PALM2AKAP2: variants seen among roughly 807,000 people sequenced by gnomAD.
The protein encoded by PALM2AKAP2 is PALM2 and AKAP2 fusion.
A neutral mutation model predicts 71.5 loss-of-function variants in PALM2AKAP2; 37 were observed. That is an observed-to-expected ratio of 0.52 (90% CI 0.40 to 0.68). The LOEUF (loss-of-function observed/expected upper bound fraction) is 0.68. PALM2AKAP2 is among the 30% of genes least tolerant of loss of function. The pLI, the probability that PALM2AKAP2 is intolerant of heterozygous loss-of-function variation, is 0.00. For missense variants in PALM2AKAP2, 1,224 were observed against 1,191.8 expected (o/e 1.03, Z -0.40); for synonymous variants, 468 against 478.8 (o/e 0.98, Z 0.29).
At chr9:110,131,678 C>T (rs1168933683) in intron 1 of PALM2AKAP2, among the ~76,000 whole-genome samples, 1 of 152,174 alleles carries the variant, frequency 6.6e-6, no homozygotes, top group African/African-American at 2.4e-5. Context: ...TTACTGCTGA[C>T]AGTGGAACTC....
At chr9:110,024,309 T>C (rs760217272) in intron 7 of PALM2AKAP2, among the ~76,000 whole-genome samples, 1 of 152,182 alleles carries the variant, frequency 6.6e-6, no homozygotes, top group Non-Finnish European at 1.5e-5. Context: ...AACCACTCAT[T>C]CCTTTCTGTT....
chr9:109,656,579 A>G (rs1359730107), intron 1 of PALM2AKAP2, among the ~76,000 whole-genome samples: 2 of 152,176 alleles, frequency 1.3e-5, no homozygotes, highest in Non-Finnish European at 2.9e-5. Flanking sequence ...ATGAAAGGAA[A>G]CTATTGGGGG....
chr9:109,811,298 G>A (rs902689888), intron 1 of PALM2AKAP2, among the ~76,000 whole-genome samples: 13 of 152,178 alleles, frequency 8.5e-5, no homozygotes, highest in African/African-American at 3.1e-4. Flanking sequence ...GGGAATTGAG[G>A]GTGTGGACTG....
intron 3 of PALM2AKAP2, among the ~76,000 whole-genome samples, chr9:109,888,108 G>T (rs147445398): frequency 6.6e-6 from 1 of 152,286 alleles, no homozygotes; most frequent in African/African-American, 2.4e-5. Flanking sequence ...GAAGCCCTTT[G>T]TTCCTGATTG....
At chr9:109,769,812 C>T (rs903011254) in intron 1 of PALM2AKAP2, among the ~76,000 whole-genome samples, 5 of 151,868 alleles carry the variant, frequency 3.3e-5, no homozygotes, top group Non-Finnish European at 7.4e-5. Context: ...TTTTTGTTTC[C>T]ACCTAGAATA....
chr9:109,919,216 A>G (rs955964027), intron 3 of PALM2AKAP2, among the ~76,000 whole-genome samples: 15 of 152,290 alleles, frequency 9.8e-5, no homozygotes, highest in Middle Eastern at 3.4e-3. Context: ...TTTGAATTTA[A>G]ATAGATGTTG....
At chr9:110,008,969 A>G (rs766651151) in intron 6 of PALM2AKAP2, among the ~76,000 whole-genome samples, 4 of 152,152 alleles carry the variant, frequency 2.6e-5, no homozygotes, top group Non-Finnish European at 5.9e-5. Context: ...TAAGGAGGCC[A>G]GGAAGTGAAA....
chr9:110,108,557 C>T (rs1478361118), intron 1 of PALM2AKAP2, among the ~76,000 whole-genome samples: 1 of 152,200 alleles, frequency 6.6e-6, no homozygotes, highest in Non-Finnish European at 1.5e-5. Context: ...ACTCTTTTTT[C>T]TCCTGTTTGC....
chr9:109,814,124 G>T (rs1314703217), intron 1 of PALM2AKAP2, among the ~76,000 whole-genome samples: 1 of 152,180 alleles, frequency 6.6e-6, no homozygotes, highest in African/African-American at 2.4e-5. Flanking sequence ...GGTTTGTAAT[G>T]CCCTTGATGA....
At chr9:109,807,944 T>A (rs1479550637) in intron 1 of PALM2AKAP2, among the ~76,000 whole-genome samples, 2 of 152,198 alleles carry the variant, frequency 1.3e-5, no homozygotes, top group Non-Finnish European at 2.9e-5. Context: ...CACTCCTCCT[T>A]CCTGCCACCA....
At chr9:109,740,869 G>T (rs1828706127) in intron 1 of PALM2AKAP2, among the ~76,000 whole-genome samples, 1 of 152,140 alleles carries the variant, frequency 6.6e-6, no homozygotes, top group South Asian at 2.1e-4. Context: ...GGCCAGGATG[G>T]TCTCAATCTC....
intron 1 of PALM2AKAP2, among the ~76,000 whole-genome samples, chr9:109,654,384 A>T: frequency 6.6e-6 from 1 of 152,206 alleles, no homozygotes; most frequent in Non-Finnish European, 1.5e-5. Flanking sequence ...TTTATGTGAG[A>T]TGAGAATTAT....
intron 1 of PALM2AKAP2, among the ~76,000 whole-genome samples, chr9:110,102,380 G>C (rs1018081320): frequency 7.9e-5 from 12 of 152,182 alleles, no homozygotes; most frequent in African/African-American, 2.9e-4. Flanking sequence ...TTAAATATTA[G>C]AGTATAAACT....
Position 109,756,839 on chromosome 9 carries a change from A to G in PALM2AKAP2, c.6-23649A>G, listed in dbSNP as rs138384101. The stretch of plus-strand genomic sequence containing the variant: ...CTTTTAGTAATTCTGACCATCTTTA[A>G]TTTTTTTTGATGAGTACATATTTAT... On this transcript the variant is annotated intron_variant, in intron 1 of 6. Coordinates refer to the PALM2AKAP2 transcript ENST00000374531. 2.5e-4 allele frequency among the ~76,000 whole-genome samples: 38 copies of G among 152,012 alleles called. No homozygotes were observed. In the East Asian group the frequency reaches 5.4e-3, roughly 22 times the overall value.
intron 1 of PALM2AKAP2, among the ~76,000 whole-genome samples, chr9:109,741,507 A>T (rs933319629): frequency 6.6e-6 from 1 of 152,194 alleles, no homozygotes; most frequent in African/African-American, 2.4e-5. Flanking sequence ...AGGGCGACAG[A>T]TGTTTTAACT....
At chr9:110,158,176 G>A (rs1395556314) in intron 3 of PALM2AKAP2, among the ~76,000 whole-genome samples, 1 of 152,212 alleles carries the variant, frequency 6.6e-6, no homozygotes, top group Non-Finnish European at 1.5e-5. Context: ...ACTTTCACCA[G>A]CCCTTCTTTG....
intron 6 of PALM2AKAP2, among the ~76,000 whole-genome samples, chr9:109,982,414 G>C (rs930323514): frequency 2.6e-5 from 4 of 152,128 alleles, no homozygotes; most frequent in Non-Finnish European, 5.9e-5. Context: ...GGTAACTACA[G>C]TCAATAATAA....
At chr9:109,805,354 G>C (rs933939576) in intron 1 of PALM2AKAP2, among the ~76,000 whole-genome samples, 31 of 152,218 alleles carry the variant, frequency 2.0e-4, no homozygotes, top group African/African-American at 7.2e-4. Context: ...TAACTTTCCA[G>C]CCTTTGTAGT....
At chr9:109,843,960 C>T (rs945870704) in intron 1 of PALM2AKAP2, among the ~76,000 whole-genome samples, 10 of 152,334 alleles carry the variant, frequency 6.6e-5, no homozygotes, top group African/African-American at 1.9e-4. Flanking sequence ...TCCTGACCTC[C>T]GCAACCACAC....
Sources: gnomAD v4.1 joint callset for allele counts (sites outside exome capture counted in the v4.1 genomes callset) on GRCh38, gnomAD v4.1.1 for gene constraint, MANE v1.5 for transcripts, NCBI Gene and HGNC (gene_info 2026-07-23, HGNC 2026-07-21) for gene names.